The following RBPMS variants were observed in gnomAD, a reference collection of about 807,000 sequenced individuals.
The protein encoded by RBPMS is RNA-binding protein with multiple splicing.
Under a neutral mutation model 26.8 loss-of-function variants are expected in RBPMS, and 7 were observed. That is an observed-to-expected ratio of 0.26 (90% CI 0.15 to 0.49). The LOEUF is 0.49. RBPMS is among the 20% of genes least tolerant of loss of function. The probability of loss-of-function intolerance (pLI) is 0.98; values close to 1 mark genes in which losing one functional copy is unlikely to be tolerated. For missense variants in RBPMS, 186 were observed against 250.0 expected, an observed-to-expected ratio of 0.74 and a Z score of 1.73; for synonymous variants, 96 against 93.3, an observed-to-expected ratio of 1.03 and a Z score of -0.17.
chr8:30,458,863 C>T (rs945770252), intron 1 of RBPMS, among the ~76,000 whole-genome samples: 1 of 152,152 alleles, frequency 6.6e-6, no homozygotes, highest in African/African-American at 2.4e-5. Flanking sequence ...AGGCATGGGC[C>T]ACCACATCCA....
chr8:30,445,649 G>GATACATATATATATATAT (rs1813650088), intron 1 of RBPMS, among the ~76,000 whole-genome samples: 1 of 107,368 alleles, frequency 9.3e-6, no homozygotes, highest in Non-Finnish European at 1.9e-5. Context: ...TATACACACG[G>GATACATATATATATATAT]ATATATATAT....
intron 4 of RBPMS, among the ~76,000 whole-genome samples, chr8:30,495,271 A>G (rs762172467): frequency 1.3e-5 from 2 of 150,116 alleles, no homozygotes; most frequent in Non-Finnish European, 2.9e-5. Context: ...TTTAGAAACA[A>G]TTATGAAGGT....
intron 1 of RBPMS, among the ~76,000 whole-genome samples, chr8:30,414,240 A>T (rs73241032): frequency 6.6e-6 from 1 of 151,968 alleles, no homozygotes; most frequent in East Asian, 1.9e-4. Context: ...GATAGCTTGT[A>T]AGTAAACATA....
At chr8:30,561,733 G>T (rs781500827) in intron 7 of RBPMS, among the ~76,000 whole-genome samples, 1 of 152,172 alleles carries the variant, frequency 6.6e-6, no homozygotes, top group Admixed American at 6.5e-5. Context: ...CATGGTGAGA[G>T]AAGACCTTCA....
At chr8:30,421,418 T>C (rs948826703) in intron 1 of RBPMS, among the ~76,000 whole-genome samples, 4 of 152,242 alleles carry the variant, frequency 2.6e-5, no homozygotes, top group African/African-American at 9.6e-5. Flanking sequence ...ATTATGTCAC[T>C]ACTTTGTGGT....
At chr8:30,445,455 T>A (rs772517684) in intron 1 of RBPMS, 5 of 152,012 alleles carry the variant, frequency 3.3e-5, no homozygotes, top group Non-Finnish European at 7.4e-5. Flanking sequence ...TAGATTATTT[T>A]ATTGGCTTAT....
chr8:30,491,032 T>TA (rs1158898932), intron 4 of RBPMS, among the ~76,000 whole-genome samples: 1 of 152,140 alleles, frequency 6.6e-6, no homozygotes, highest in African/African-American at 2.4e-5. Context: ...TGGTGTGTGT[T>TA]AGAGGTGTTT....
intron 5 of RBPMS, among the ~76,000 whole-genome samples, chr8:30,542,229 T>C (rs115037847): frequency 6.6e-6 from 1 of 152,202 alleles, no homozygotes; most frequent in Non-Finnish European, 1.5e-5. Flanking sequence ...TGTGCAAATA[T>C]CAATGGTGAA....
chr8:30,482,107 C>G (rs1818341241), intron 4 of RBPMS, among the ~76,000 whole-genome samples: 1 of 152,084 alleles, frequency 6.6e-6, no homozygotes, highest in South Asian at 2.1e-4. Context: ...TGGAGCAGAC[C>G]CATTCAAGGT....
In RBPMS at chr8:30,504,323, G is replaced by A. The variant is rs778288768; in HGVS notation, c.284G>A (p.Arg95Gln). ...RFDPEIPQTL[R>Q]LEFAKANTKM... The stretch of plus-strand genomic sequence containing the variant: ...GATCCTGAAATTCCGCAAACACTAC[G>A]ACTAGAGTTTGCTAAGGCAAACACG... The change falls in exon 5 of 9, where the codon CGA becomes CAA. Residue 95 changes from arginine to glutamine, a missense_variant. Around this residue, in one of 3 missense-constraint regions of RBPMS, gnomAD observed 50 missense variants for 108.5 expected, o/e 0.46. Coordinates refer to ENST00000397323, the MANE Select transcript of RBPMS (RefSeq NM_001008710.3). 15 of 1,614,102 alleles carry A rather than the reference G, an allele frequency of 9.3e-6. No individual in the cohort carries two copies. Among genetic ancestry groups the A allele is most frequent in the Non-Finnish European group, 4.2e-6 (5 of 1,179,986 alleles).
intron 3 of RBPMS, 64 bp from the exon 4 acceptor site, chr8:30,479,251 C>T: frequency 8.2e-7 from 1 of 1,220,028 alleles, no homozygotes; most frequent in Non-Finnish European, 1.2e-6. Context: ...TGATGTCACC[C>T]TTGACCTAGA....
chr8:30,516,953 AT>A (rs200577356), intron 5 of RBPMS, among the ~76,000 whole-genome samples: 1 of 142,590 alleles, frequency 7.0e-6, no homozygotes, highest in African/African-American at 2.5e-5. Flanking sequence ...ATGTGAATTG[AT>A]TTTTTTAATA....
chr8:30,436,558 T>A (rs1331628322), intron 1 of RBPMS, among the ~76,000 whole-genome samples: 1 of 152,174 alleles, frequency 6.6e-6, no homozygotes, highest in African/African-American at 2.4e-5. Flanking sequence ...TCAGTTGGAA[T>A]CTTGTGCTCT....
At chr8:30,548,501 T>C (rs563256765) in intron 6 of RBPMS, among the ~76,000 whole-genome samples, 3 of 152,360 alleles carry the variant, frequency 2.0e-5, no homozygotes, top group Admixed American at 1.3e-4. Context: ...GTAACAGCAG[T>C]TCTATCGGAT....
chr8:30,545,895 T>C (rs1253717322), intron 6 of RBPMS, among the ~76,000 whole-genome samples: 1 of 151,922 alleles, frequency 6.6e-6, no homozygotes, highest in African/African-American at 2.4e-5. Context: ...AAGAAAAAAA[T>C]GTAGGTGGTG....
At chr8:30,566,518 C>A (rs1211667792) in intron 8 of RBPMS, among the ~76,000 whole-genome samples, 158 bp downstream of exon 8, 1 of 152,138 alleles carries the variant, frequency 6.6e-6, no homozygotes, top group South Asian at 2.1e-4. Flanking sequence ...TCCAACACGG[C>A]CTGCCAGGGA....
At chr8:30,424,005 T>G (rs555838073) in intron 1 of RBPMS, among the ~76,000 whole-genome samples, 1 of 152,152 alleles carries the variant, frequency 6.6e-6, no homozygotes, top group Admixed American at 6.6e-5. Context: ...GCCCGGCTCA[T>G]TTTTGTATTT....
chr8:30,544,788 A>T (rs780020502), intron 6 of RBPMS, 164 bp downstream of exon 6: 4 of 1,581,092 alleles, frequency 2.5e-6, no homozygotes, highest in Non-Finnish European at 3.4e-6. Context: ...TTCAGGACTG[A>T]CGAGGATCGT....
chr8:30,442,000 G>T (rs1418933917), intron 1 of RBPMS, among the ~76,000 whole-genome samples: 1 of 152,062 alleles, frequency 6.6e-6, no homozygotes, highest in African/African-American at 2.4e-5. Context: ...ATGTTAGCCA[G>T]GATGGTCTCG....
Sources: allele counts gnomAD v4.1 joint callset (sites outside exome capture counted in the v4.1 genomes callset), GRCh38; gene constraint gnomAD v4.1.1; regional missense constraint gnomAD v4.1.1; transcripts MANE v1.5; gene names NCBI Gene and HGNC (gene_info 2026-07-23, HGNC 2026-07-21).